The following RASSF2 variants were observed in gnomAD, a reference collection of about 807,000 sequenced individuals.
The protein encoded by RASSF2 is Ras association domain family member 2, also known as ras association domain-containing protein 2.
A neutral mutation model predicts 46.3 loss-of-function variants in RASSF2; 34 were observed. The observed-to-expected ratio is 0.73, with a 90% CI of 0.56 to 0.98. RASSF2 has a LOEUF of 0.98. RASSF2 is among the 50% of genes least tolerant of loss of function. The pLI is 0.00. For missense variants in RASSF2, 364 were observed against 431.2 expected (o/e 0.84, Z 1.38); for synonymous variants, 158 against 162.5 (o/e 0.97, Z 0.21).
chr20:4,809,928 A>C (rs6037974), intron 2 of RASSF2, among the ~76,000 whole-genome samples: 27,010 of 152,222 alleles, frequency 0.18, 4,183 homozygotes, highest in African/African-American at 0.42. Flanking sequence ...TGGCAGAGGG[A>C]CAGCCCGTAG....
chr20:4,815,472 G>A (rs1407027417), intron 2 of RASSF2, among the ~76,000 whole-genome samples: 1 of 152,110 alleles, frequency 6.6e-6, no homozygotes, highest in Non-Finnish European at 1.5e-5. Context: ...CCACACTATG[G>A]ACAAAACATT....
At chr20:4,806,313 C>G (rs1927338233) in intron 2 of RASSF2, among the ~76,000 whole-genome samples, 1 of 152,216 alleles carries the variant, frequency 6.6e-6, no homozygotes, top group South Asian at 2.1e-4. Flanking sequence ...GATCGCGCAG[C>G]CTGGTTGGAG....
At chr20:4,803,571 GCA>G (rs1335566332) in intron 2 of RASSF2, among the ~76,000 whole-genome samples, 4 of 148,250 alleles carry the variant, frequency 2.7e-5, no homozygotes, top group South Asian at 2.2e-4. Flanking sequence ...CTGGGCAACA[GCA>G]GGAGACCCCA....
intron 7 of RASSF2, among the ~76,000 whole-genome samples, 159 bp from the exon 8 acceptor site, chr20:4,789,856 C>G (rs540911468): frequency 3.3e-5 from 5 of 152,272 alleles, no homozygotes; most frequent in African/African-American, 1.2e-4. Context: ...ACAAAGCAAC[C>G]CTCGGGGTTT....
rs977603478 is a variant in RASSF2 at position 4,809,363 on chromosome 20, C to T, written c.-32-8301G>A. Reference sequence around the variant, plus strand: ...CTCTGTGAGTGTGCCCATGCTCCCCCTCAGACCCAGATTCACATGTTCTAG... The same window carrying T: ...CTCTGTGAGTGTGCCCATGCTCCCCTTCAGACCCAGATTCACATGTTCTAG... On this transcript the variant is annotated intron_variant, in intron 2 of 11. Coordinates refer to ENST00000379400, the MANE Select transcript of RASSF2 (RefSeq NM_014737.3). Among the ~76,000 whole-genome samples, 3 of 152,100 alleles carry T rather than the reference C, an allele frequency of 2.0e-5. No individual in the cohort carries two copies. In the East Asian group the frequency reaches 5.8e-4, roughly 29 times the overall value.
intron 2 of RASSF2, among the ~76,000 whole-genome samples, chr20:4,803,655 T>C (rs1402004201): frequency 1.3e-5 from 2 of 150,104 alleles, no homozygotes; most frequent in South Asian, 2.1e-4. Flanking sequence ...TACTTGGGAG[T>C]CTAAGGTAGG....
chr20:4,787,558 A>C, intron 10 of RASSF2, 75 bp downstream of exon 10: 4 of 1,590,386 alleles, frequency 2.5e-6, no homozygotes, highest in African/African-American at 1.3e-5. Flanking sequence ...AAGTCATTCT[A>C]TACCCCAGTT....
At chr20:4,820,295 A>G (rs1928604770) in intron 2 of RASSF2, among the ~76,000 whole-genome samples, 1 of 152,196 alleles carries the variant, frequency 6.6e-6, no homozygotes, top group South Asian at 2.1e-4. Flanking sequence ...GCTTGAGGCC[A>G]GGTGTTTGAG....
chr20:4,818,186 G>A (rs1319121703), intron 2 of RASSF2, among the ~76,000 whole-genome samples: 1 of 151,996 alleles, frequency 6.6e-6, no homozygotes, highest in Non-Finnish European at 1.5e-5. Context: ...AGAATCGCTT[G>A]AACTTGGGAG....
At position 4,783,939 on chromosome 20, in the gene RASSF2, T is replaced by G. The variant is rs1401497725; in HGVS notation, c.*334A>C. On this transcript the variant is annotated 3_prime_UTR_variant, in exon 12 of 12. Coordinates refer to ENST00000379400, the MANE Select transcript of RASSF2 (RefSeq NM_014737.3). ...ACATGTGCCAAGCTCACGGCTCTTG[T>G]GCTGGTTGCCTGGAATTTAATTACA... 1.6e-5 allele frequency: 4 copies of G among 248,328 alleles called. No homozygotes were observed. In the East Asian group the frequency reaches 3.2e-4, roughly 20 times the overall value. The allele number at this position is 248,328 out of a possible 1,614,324, so 15.4% of individuals were successfully genotyped here.
At chr20:4,822,723 C>T (rs1928784872) in intron 1 of RASSF2, among the ~76,000 whole-genome samples, 1 of 152,252 alleles carries the variant, frequency 6.6e-6, no homozygotes, top group African/African-American at 2.4e-5. Context: ...GGGGAGACCG[C>T]AAAGGGGAAG....
chr20:4,789,694 A>C lies in RASSF2; in HGVS notation c.541T>G (p.Ser181Ala). ...INGHFYNHKT[S>A]VFTPAYGSVT... ...GAGCCATAGGCTGGTGTGAACACGG[A>C]TGTCTGTCAATAGAAGGGCCCAGCT... Residue 181 changes from serine (S) to alanine (A), a missense_variant, in exon 8 of 12, where the codon TCC becomes GCC. Physicochemically the swap from Ser to Ala is moderately conservative, Grantham distance 99 (BLOSUM62 1). Coordinates refer to ENST00000379400, the MANE Select transcript of RASSF2 (RefSeq NM_014737.3). 1.2e-6 allele frequency: 2 copies of C among 1,613,832 alleles called. No homozygotes were observed. The highest frequency in any genetic ancestry group is 1.7e-6 in the Non-Finnish European group (2 of 1,179,850).
At chr20:4,793,131 AG>A (rs911966717) in intron 5 of RASSF2, 15 of 162,452 alleles carry the variant, frequency 9.2e-5, no homozygotes, top group African/African-American at 3.6e-4. Context: ...CAACAAGGGC[AG>A]GGGCAGCTTT....
At chr20:4,806,705 C>T in intron 2 of RASSF2, among the ~76,000 whole-genome samples, 1 of 152,210 alleles carries the variant, frequency 6.6e-6, no homozygotes, top group African/African-American at 2.4e-5. Context: ...ACCTCAGCCT[C>T]CCAAAGTGCT....
Position 4,791,477 on chromosome 20 carries a change from A to G in RASSF2, c.377-866T>C, listed in dbSNP as rs184876874. ...AAAAATAATGTTTAACAGAACATGT[A>G]TCTAAAAATATGTGGGGTTCCCATG... is the stretch of plus-strand genomic sequence containing the variant. On this transcript the variant is annotated intron_variant, in intron 6 of 11. Transcript: ENST00000379400. Among the ~76,000 whole-genome samples, 405 of 152,354 alleles carry G rather than the reference A, an allele frequency of 2.7e-3. 1 individual carries two copies. The highest frequency in any genetic ancestry group is 8.9e-3 in the African/African-American group (370 of 41,582).
Position 4,786,361 on chromosome 20 carries a change from C to T in RASSF2, c.814-33G>A, listed in dbSNP as rs113050584. 1,655 of 1,470,420 alleles carry T rather than the reference C, an allele frequency of 1.1e-3. 11 individuals carry two copies. In the African/African-American group the frequency reaches 0.02, roughly 18 times the overall value. The allele number at this position is 1,470,420 out of a possible 1,614,324, so 91.1% of individuals were successfully genotyped here. On this transcript the variant is annotated intron_variant, in intron 10 of 11. Transcript: ENST00000379400. ...GAAAGAAGCAAGTCTGGGTGAATGC[C>T]CTTCCCAGCATTATTCCAATTCCTT...
chr20:4,807,924 G>A (rs1927471243), intron 2 of RASSF2, among the ~76,000 whole-genome samples: 1 of 152,176 alleles, frequency 6.6e-6, no homozygotes, highest in Non-Finnish European at 1.5e-5. Flanking sequence ...CCTTCACAAA[G>A]CACTGTCTCC....
At chr20:4,811,907 C>T (rs994073649) in intron 2 of RASSF2, among the ~76,000 whole-genome samples, 4 of 152,210 alleles carry the variant, frequency 2.6e-5, no homozygotes, top group Non-Finnish European at 5.9e-5. Context: ...AGTTGCTGGA[C>T]ACAGTGCTTT....
At chr20:4,797,307 C>T (rs931522294) in intron 4 of RASSF2, among the ~76,000 whole-genome samples, 1 of 152,210 alleles carries the variant, frequency 6.6e-6, no homozygotes, top group African/African-American at 2.4e-5. Flanking sequence ...ATTCCACCAT[C>T]TGTTATCTGT....
Sources: allele counts gnomAD v4.1 joint callset (sites outside exome capture counted in the v4.1 genomes callset), GRCh38; gene constraint gnomAD v4.1.1; transcripts MANE v1.5; gene names NCBI Gene and HGNC (gene_info 2026-07-23, HGNC 2026-07-21).